ANK2: variants seen among roughly 807,000 people sequenced by gnomAD.
The protein encoded by ANK2 is ankyrin 2.
A neutral mutation model predicts 360.5 loss-of-function variants in ANK2; 83 were observed. That is an observed-to-expected ratio of 0.23 (90% CI 0.19 to 0.28). The LOEUF is 0.28. ANK2 is among the 10% of genes least tolerant of loss of function. The pLI, the probability that ANK2 is intolerant of heterozygous loss-of-function variation, is 1.00. For synonymous variants in ANK2, 1,740 were observed against 1,759.5 expected, an observed-to-expected ratio of 0.99 and a Z score of 0.28; for missense variants, 4,201 against 4,795.7, an observed-to-expected ratio of 0.88 and a Z score of 3.66.
chr4:112,804,324 T>C, the ANK2 span, among the ~76,000 whole-genome samples: 6,819 of 152,194 alleles, frequency 0.045, 394 homozygotes, highest in African/African-American at 0.13. Flanking sequence ...CCGGCCAATC[T>C]CACAGTTTTT....
At chr4:112,862,714 T>A (rs1355441719) in intron 1 of ANK2, among the ~76,000 whole-genome samples, 2 of 152,212 alleles carry the variant, frequency 1.3e-5, no homozygotes, top group Non-Finnish European at 2.9e-5. Flanking sequence ...TTATTTCGTA[T>A]CTTTGATTTG....
intron 1 of ANK2, among the ~76,000 whole-genome samples, chr4:113,101,780 T>C (rs974314757): frequency 6.6e-6 from 1 of 152,114 alleles, no homozygotes; most frequent in Non-Finnish European, 1.5e-5. Context: ...GAGACCTGGT[T>C]TGGCTTGAGT....
the ANK2 span, among the ~76,000 whole-genome samples, chr4:112,721,541 C>CAA: frequency 7.9e-4 from 37 of 46,882 alleles, no homozygotes; most frequent in Admixed American, 2.1e-3. Flanking sequence ...GACCCCATCT[C>CAA]AAAAAAAAAA....
chr4:112,767,898 C>G, the ANK2 span, among the ~76,000 whole-genome samples: 1 of 152,188 alleles, frequency 6.6e-6, no homozygotes, highest in Non-Finnish European at 1.5e-5. Flanking sequence ...TTTCCCATCT[C>G]TCTCATCCTC....
At chr4:113,146,477 G>A (rs1333107541) in intron 1 of ANK2, among the ~76,000 whole-genome samples, 1 of 152,012 alleles carries the variant, frequency 6.6e-6, no homozygotes, top group Non-Finnish European at 1.5e-5. Context: ...TCTAATATTT[G>A]ACTAACTTCA....
At chr4:113,061,197 C>A (rs1426138889) in intron 1 of ANK2, among the ~76,000 whole-genome samples, 1 of 152,044 alleles carries the variant, frequency 6.6e-6, no homozygotes, top group Non-Finnish European at 1.5e-5. Context: ...CCCCAAGTGG[C>A]TTCCATGTTT....
At chr4:113,378,309 T>G in intron 45 of ANK2, 1 of 343,544 alleles carries the variant, frequency 2.9e-6, no homozygotes, top group Non-Finnish European at 5.5e-6. Flanking sequence ...TCTCCTGTAT[T>G]ATAATACTTT....
chr4:113,292,377 C>A (rs768504954), intron 20 of ANK2, 39 bp from the exon 21 acceptor site: 2 of 1,551,978 alleles, frequency 1.3e-6, no homozygotes, highest in Non-Finnish European at 1.8e-6. Flanking sequence ...TCTCCCTCTG[C>A]CAATCGGGTG....
chr4:113,140,000 T>G (rs150392713), intron 1 of ANK2, among the ~76,000 whole-genome samples: 336 of 152,352 alleles, frequency 2.2e-3, no homozygotes, highest in African/African-American at 7.1e-3. Context: ...CAAGTCCATA[T>G]AGGGAATTTA....
rs1265671152 is a variant in ANK2 at position 112,818,265 on chromosome 4, G to A, written c.-40+1G>A. The A allele has an allele frequency of 6.6e-6, 1 of 152,244 alleles. No homozygotes were observed. The highest frequency in any genetic ancestry group is 1.5e-5 in the Non-Finnish European group (1 of 68,068). 9.4% of individuals were successfully genotyped at this position (152,244 alleles called of 1,614,324 possible). A position where few individuals can be genotyped will look rare whatever the true frequency, so the allele number is the denominator to read the frequency against. ...TTGCAGAGAGAAGCTGCCGCTCCCA[G>A]TAAGTGCTTAAAGAAGGTCTTTATT... On this transcript the variant is annotated splice_donor_variant, in intron 1 of 30. Coordinates refer to the ANK2 transcript ENST00000503271. LOFTEE classifies it low-confidence loss of function (5UTR_SPLICE).
intron 3 of ANK2, among the ~76,000 whole-genome samples, chr4:113,196,872 A>T (rs939649336): frequency 2.0e-4 from 30 of 152,298 alleles, no homozygotes; most frequent in Non-Finnish European, 3.4e-4. Context: ...GAACACCAAG[A>T]TTCTTAACCT....
chr4:112,784,288 G>GA, the ANK2 span, among the ~76,000 whole-genome samples: 6 of 148,524 alleles, frequency 4.0e-5, no homozygotes, highest in African/African-American at 1.5e-4. Context: ...AGCCTTAATC[G>GA]ATCCTCCCAC....
At chr4:113,376,018 T>C (rs1320627702) in intron 45 of ANK2, among the ~76,000 whole-genome samples, 1 of 152,130 alleles carries the variant, frequency 6.6e-6, no homozygotes, top group Non-Finnish European at 1.5e-5. Flanking sequence ...ATGCCAGAGG[T>C]TGCCATTTTT....
intron 24 of ANK2, among the ~76,000 whole-genome samples, chr4:113,312,667 G>A (rs985177443): frequency 2.6e-5 from 4 of 152,168 alleles, no homozygotes; most frequent in African/African-American, 9.7e-5. Context: ...GAGTAACAAT[G>A]GTGAGGAAAA....
At chr4:113,198,793 C>A (rs1389671702) in intron 3 of ANK2, among the ~76,000 whole-genome samples, 1 of 151,866 alleles carries the variant, frequency 6.6e-6, no homozygotes, top group Admixed American at 6.6e-5. Flanking sequence ...TAACACTAAA[C>A]CAATATTGTG....
At chr4:112,754,134 TA>T in the ANK2 span, among the ~76,000 whole-genome samples, 2 of 143,778 alleles carry the variant, frequency 1.4e-5, 1 homozygote, top group Admixed American at 1.4e-4. Context: ...TATATATATA[TA>T]TATATATATA....
chr4:112,958,455 G>A (rs1038563559), intron 2 of ANK2, among the ~76,000 whole-genome samples: 8 of 152,322 alleles, frequency 5.3e-5, no homozygotes, highest in South Asian at 2.1e-4. Context: ...ACAGCCAGGC[G>A]TGGCGGCGTG....
chr4:113,036,486 G>A lies in ANK2; in HGVS notation c.21+131972G>A, dbSNP rs184163720. On this transcript the variant is annotated intron_variant, in intron 2 of 30. Transcript: ENST00000503271. ...TGACCTTCAGCCATTGCTTCTGATT[G>A]TATACCATAGTGATTTGGGTAAGAC... Among the ~76,000 whole-genome samples, 10 of 151,886 alleles carry A rather than the reference G, an allele frequency of 6.6e-5. No individual in the cohort carries two copies. In the East Asian group the frequency reaches 1.4e-3, roughly 21 times the overall value.
intron 39 of ANK2, among the ~76,000 whole-genome samples, chr4:113,361,967 T>C (rs1160583030): frequency 2.0e-5 from 3 of 152,318 alleles, no homozygotes; most frequent in African/African-American, 4.8e-5. Flanking sequence ...CCTACTTCTA[T>C]CTTCTAGCCG....
Sources: allele counts gnomAD v4.1 joint callset (sites outside exome capture counted in the v4.1 genomes callset), GRCh38; gene constraint gnomAD v4.1.1; transcripts MANE v1.5; gene names NCBI Gene and HGNC (gene_info 2026-07-23, HGNC 2026-07-21).